OPCML: variants seen among roughly 807,000 people sequenced by gnomAD.
OPCML encodes the protein opioid-binding protein/cell adhesion molecule.
Under a neutral mutation model 37.8 loss-of-function variants are expected in OPCML, and 13 were observed. That is an observed-to-expected ratio of 0.34 (90% CI 0.22 to 0.55). OPCML has a LOEUF of 0.55. Among genes scored for constraint, OPCML ranks in the 20% least tolerant of loss-of-function variants. OPCML has a pLI of 0.91. For synonymous variants in OPCML, 176 were observed against 168.8 expected, an observed-to-expected ratio of 1.04 and a Z score of -0.33; for missense variants, 341 against 435.6, an observed-to-expected ratio of 0.78 and a Z score of 1.93.
At chr11:132,775,389 G>A (rs1489013401) in intron 2 of OPCML, among the ~76,000 whole-genome samples, 1 of 152,194 alleles carries the variant, frequency 6.6e-6, no homozygotes, top group Non-Finnish European at 1.5e-5. Context: ...ACAGCTTTTT[G>A]TTATGTGACC....
intron 1 of OPCML, among the ~76,000 whole-genome samples, chr11:133,411,983 T>C (rs1945661562): frequency 6.6e-6 from 1 of 152,096 alleles, no homozygotes; most frequent in South Asian, 2.1e-4. Flanking sequence ...AGCTACTTAT[T>C]TGCCACCCCC....
At chr11:133,004,307 T>G in intron 1 of OPCML, 1 of 985,456 alleles carries the variant, frequency 1.0e-6, no homozygotes, top group Non-Finnish European at 1.2e-6. Context: ...AGCTGTAATT[T>G]AATTTTTATT....
intron 2 of OPCML, among the ~76,000 whole-genome samples, chr11:132,860,277 C>T (rs986471312): frequency 6.6e-6 from 1 of 152,134 alleles, no homozygotes; most frequent in African/African-American, 2.4e-5. Context: ...TTCTCATGTT[C>T]CTGAACCTGA....
At chr11:133,447,724 G>A (rs774027156) in intron 1 of OPCML, among the ~76,000 whole-genome samples, 2 of 152,166 alleles carry the variant, frequency 1.3e-5, no homozygotes, top group African/African-American at 2.4e-5. Context: ...TAGCTGCATA[G>A]TATTCCATGG....
At chr11:133,532,192 C>T in intron 1 of OPCML, 72 bp downstream of exon 1, 1 of 1,570,664 alleles carries the variant, frequency 6.4e-7, no homozygotes, top group Admixed American at 1.8e-5. Flanking sequence ...TCTCCATCTC[C>T]CCACTGCCTC....
intron 1 of OPCML, among the ~76,000 whole-genome samples, chr11:133,252,048 G>A (rs186612676): frequency 1.6e-4 from 25 of 152,172 alleles, no homozygotes; most frequent in Admixed American, 1.3e-3. Flanking sequence ...CCTCAGGCAC[G>A]GATATTTCCA....
chr11:132,775,456 C>A (rs984954447), intron 2 of OPCML, among the ~76,000 whole-genome samples: 7 of 152,208 alleles, frequency 4.6e-5, no homozygotes, highest in Admixed American at 4.6e-4. Context: ...CCTCTTCCTT[C>A]AATAACCACC....
chr11:132,862,043 T>C (rs1250271385), intron 2 of OPCML, among the ~76,000 whole-genome samples: 1 of 152,144 alleles, frequency 6.6e-6, no homozygotes, highest in Non-Finnish European at 1.5e-5. Context: ...TCAATTTGCA[T>C]GTTTACCAGC....
chr11:132,801,841 G>T (rs1938669798), intron 2 of OPCML, among the ~76,000 whole-genome samples: 1 of 152,148 alleles, frequency 6.6e-6, no homozygotes, highest in Non-Finnish European at 1.5e-5. Context: ...TGCTTATTAT[G>T]AAAGATAATG....
chr11:132,700,021 T>C (rs1196717199), intron 2 of OPCML, among the ~76,000 whole-genome samples: 2 of 151,998 alleles, frequency 1.3e-5, no homozygotes, highest in Non-Finnish European at 2.9e-5. Flanking sequence ...ATCCTTGTAA[T>C]TGGCCTATTC....
intron 2 of OPCML, among the ~76,000 whole-genome samples, chr11:132,900,336 A>C (rs955548811): frequency 1.3e-5 from 2 of 152,104 alleles, no homozygotes; most frequent in Non-Finnish European, 2.9e-5. Flanking sequence ...TCTATCACCA[A>C]GTCTCAATGA....
At chr11:133,207,125 A>AG (rs1322818391) in intron 1 of OPCML, among the ~76,000 whole-genome samples, 2 of 150,660 alleles carry the variant, frequency 1.3e-5, no homozygotes, top group Non-Finnish European at 3.0e-5. Flanking sequence ...CTACTAAAAA[A>AG]AAAAAAAAAA....
At chr11:132,626,331 G>A (rs1041901026) in intron 3 of OPCML, among the ~76,000 whole-genome samples, 1 of 151,942 alleles carries the variant, frequency 6.6e-6, no homozygotes, top group Admixed American at 6.6e-5. Context: ...CCTATTCAAG[G>A]CACTCCAAGG....
intron 2 of OPCML, among the ~76,000 whole-genome samples, chr11:132,697,577 C>A (rs1381298497): frequency 4.6e-5 from 7 of 152,136 alleles, no homozygotes. Context: ...ATAATGCCCT[C>A]CAGGTCCATC....
chr11:132,747,347 G>C (rs1945666347), intron 2 of OPCML, among the ~76,000 whole-genome samples: 1 of 152,188 alleles, frequency 6.6e-6, no homozygotes, highest in Non-Finnish European at 1.5e-5. Flanking sequence ...CTCAGGTGAA[G>C]CACAGTGACA....
At chr11:132,619,319 A>G (rs948906375) in intron 3 of OPCML, among the ~76,000 whole-genome samples, 2 of 152,290 alleles carry the variant, frequency 1.3e-5, no homozygotes, top group African/African-American at 2.4e-5. Flanking sequence ...CTAATTCTGT[A>G]ATAGAATCTC....
At position 133,177,539 on chromosome 11, in the gene OPCML, T is replaced by C. The variant is rs910408987; in HGVS notation, c.62-234529A>G. 3.3e-5 allele frequency among the ~76,000 whole-genome samples: 5 copies of C among 152,152 alleles called. No homozygotes were observed. Among genetic ancestry groups the C allele is most frequent in the African/African-American group, 9.7e-5 (4 of 41,444 alleles). The stretch of plus-strand genomic sequence containing the variant: ...GGAAAGACTGCACCAGACCCTAGCT[T>C]TCCCAGGGAAAGGAACTCTAGAATC... On this transcript the variant is annotated intron_variant, in intron 1 of 7. Transcript: ENST00000524381. The surrounding 1 kb of genome is among the most constrained non-coding windows in gnomAD (Gnocchi z 5.0).
At chr11:132,677,208 A>G (rs1942747958) in intron 2 of OPCML, among the ~76,000 whole-genome samples, 1 of 152,100 alleles carries the variant, frequency 6.6e-6, no homozygotes, top group South Asian at 2.1e-4. Flanking sequence ...TGCAAGATTA[A>G]TATAAGAAAA....
chr11:132,746,955 T>C (rs1306269139), intron 2 of OPCML, among the ~76,000 whole-genome samples: 1 of 152,168 alleles, frequency 6.6e-6, no homozygotes, highest in Admixed American at 6.5e-5. Context: ...GCAAGTTCTC[T>C]AAGCCTCAGT....
Sources: gnomAD v4.1 joint callset for allele counts (sites outside exome capture counted in the v4.1 genomes callset) on GRCh38, gnomAD v4.1.1 for gene constraint, Gnocchi (gnomAD v3.1) non-coding constraint, MANE v1.5 for transcripts, NCBI Gene and HGNC (gene_info 2026-07-23, HGNC 2026-07-21) for gene names.